CA10: variants seen among roughly 807,000 people sequenced by gnomAD.
CA10 encodes the protein carbonic anhydrase 10 (inactive).
Under a neutral mutation model 44.2 loss-of-function variants are expected in CA10, and 14 were observed. The ratio of observed to expected loss-of-function variants is 0.32; its 90% CI spans 0.21 to 0.50. The LOEUF (loss-of-function observed/expected upper bound fraction) is 0.50. Ranked by LOEUF, CA10 falls within the 20% of genes least tolerant of loss-of-function variation. The probability of loss-of-function intolerance (pLI) is 0.99; values close to 1 mark genes in which losing one functional copy is unlikely to be tolerated. For synonymous variants in CA10, 159 were observed against 141.6 expected, an observed-to-expected ratio of 1.12 and a Z score of -0.87; for missense variants, 350 against 409.7, an observed-to-expected ratio of 0.85 and a Z score of 1.26.
chr17:51,896,203 AG>A (rs1981061670), intron 3 of CA10, among the ~76,000 whole-genome samples: 2 of 152,074 alleles, frequency 1.3e-5, no homozygotes, highest in Non-Finnish European at 2.9e-5. Context: ...TAATAAGCAT[AG>A]TACCCGGCAG....
chr17:51,680,249 G>A (rs192921796), intron 4 of CA10, among the ~76,000 whole-genome samples: 12 of 152,302 alleles, frequency 7.9e-5, no homozygotes, highest in South Asian at 4.1e-4. Flanking sequence ...AGTGGCAGCC[G>A]TTGGGGAGGA....
chr17:51,723,395 C>T (rs2037480190), intron 4 of CA10, among the ~76,000 whole-genome samples: 2 of 152,078 alleles, frequency 1.3e-5, no homozygotes, highest in Admixed American at 1.3e-4. Context: ...GGATGGATTC[C>T]GTATGAGAAA....
intron 1 of CA10, among the ~76,000 whole-genome samples, chr17:52,137,590 T>TA (rs1359260848): frequency 6.6e-6 from 1 of 152,204 alleles, no homozygotes. Context: ...CTTTGAGTCT[T>TA]ACTCTCTTAT....
chr17:51,894,753 G>A (rs1981000069), intron 3 of CA10, among the ~76,000 whole-genome samples: 1 of 152,090 alleles, frequency 6.6e-6, no homozygotes, highest in South Asian at 2.1e-4. Context: ...CACTAAGTTT[G>A]TGGTACTTTG....
chr17:51,699,901 A>G (rs1416769881), intron 4 of CA10, among the ~76,000 whole-genome samples: 1 of 152,160 alleles, frequency 6.6e-6, no homozygotes. Context: ...ATTAATTATG[A>G]TCTCTTGCAT....
chr17:51,970,512 A>C (rs541948699), intron 2 of CA10, among the ~76,000 whole-genome samples: 1 of 151,752 alleles, frequency 6.6e-6, no homozygotes, highest in African/African-American at 2.4e-5. Flanking sequence ...AGGAAAAGCG[A>C]TTCTGTTATT....
intron 2 of CA10, among the ~76,000 whole-genome samples, chr17:51,999,412 G>A (rs1350225190): frequency 6.6e-6 from 1 of 152,044 alleles, no homozygotes; most frequent in Admixed American, 6.6e-5. Context: ...GTTAGTGTGG[G>A]CCACAAGAGA....
rs1907269395 is a variant in CA10 at position 51,809,412 on chromosome 17, T to C, written c.280-61594A>G. Among the ~76,000 whole-genome samples the C allele has an allele frequency of 2.0e-5, 3 of 152,192 alleles. No homozygotes were observed. The South Asian group carries it at 6.2e-4, about 32-fold the overall frequency. On this transcript the variant is annotated intron_variant, in intron 3 of 8. Coordinates refer to ENST00000451037, the MANE Select transcript of CA10 (RefSeq NM_020178.5). ...CCTAAGAAAAGTATAGCCCTTTATC[T>C]CAAGGAAGCTTGCCCACAGAAGAGA... is the stretch of plus-strand genomic sequence containing the variant.
chr17:51,849,883 C>T (rs770089510), intron 3 of CA10, among the ~76,000 whole-genome samples: 9 of 152,086 alleles, frequency 5.9e-5, no homozygotes, highest in Admixed American at 2.6e-4. Context: ...ACCCCATAAG[C>T]AAGTTGAATA....
intron 5 of CA10, among the ~76,000 whole-genome samples, chr17:51,649,748 G>A (rs1384414150): frequency 2.0e-5 from 3 of 152,132 alleles, no homozygotes; most frequent in African/African-American, 7.2e-5. Context: ...AGTGAGCCTA[G>A]AAAGATTGGC....
intron 2 of CA10, among the ~76,000 whole-genome samples, chr17:51,947,528 A>AATAT (rs1480687239): frequency 1.3e-5 from 2 of 152,200 alleles, no homozygotes; most frequent in Admixed American, 1.3e-4. Context: ...ACAGATGTTT[A>AATAT]GCTTCACTTT....
intron 2 of CA10, among the ~76,000 whole-genome samples, chr17:52,056,913 C>G (rs1343449988): frequency 6.6e-6 from 1 of 152,014 alleles, no homozygotes; most frequent in East Asian, 1.9e-4. Flanking sequence ...TGTTTACAAT[C>G]ATAGTGCTAT....
intron 2 of CA10, among the ~76,000 whole-genome samples, chr17:52,020,914 C>A (rs1209471376): frequency 2.6e-5 from 4 of 151,878 alleles, no homozygotes; most frequent in Non-Finnish European, 5.9e-5. Context: ...TGGGTTTCTG[C>A]TTTTGTGTTA....
At chr17:51,758,741 A>G (rs1905140741) in intron 3 of CA10, among the ~76,000 whole-genome samples, 1 of 152,222 alleles carries the variant, frequency 6.6e-6, no homozygotes, top group Admixed American at 6.5e-5. Flanking sequence ...TATTTTAATA[A>G]TTTAGTATTA....
At chr17:51,921,096 T>A (rs553042108) in intron 3 of CA10, among the ~76,000 whole-genome samples, 15 of 152,292 alleles carry the variant, frequency 9.8e-5, no homozygotes, top group South Asian at 2.1e-4. Flanking sequence ...TTTAGGAGGA[T>A]TTACATCCTA....
chr17:52,037,153 C>A (rs550159358), intron 2 of CA10, among the ~76,000 whole-genome samples: 10 of 152,216 alleles, frequency 6.6e-5, no homozygotes, highest in African/African-American at 2.4e-4. Context: ...ATGTCTGGAA[C>A]TCAAAAGAAA....
intron 3 of CA10, among the ~76,000 whole-genome samples, chr17:51,785,260 A>G (rs1906223794): frequency 6.6e-6 from 1 of 151,456 alleles, no homozygotes; most frequent in Non-Finnish European, 1.5e-5. Context: ...TCTCTTCGAT[A>G]TACTGATTTC....
chr17:51,801,479 G>A (rs769453029), intron 3 of CA10, among the ~76,000 whole-genome samples: 2 of 151,306 alleles, frequency 1.3e-5, no homozygotes, highest in Non-Finnish European at 2.9e-5. Context: ...TTTCACACTA[G>A]AGGAAAAAAA....
In CA10 at chr17:51,799,455, G is replaced by A. The variant is rs965063680; in HGVS notation, c.280-51637C>T. Among the ~76,000 whole-genome samples the A allele has an allele frequency of 5.3e-5, 8 of 152,040 alleles. 1 individual carries two copies. Among genetic ancestry groups the A allele is most frequent in the Admixed American group, 5.2e-4 (8 of 15,262 alleles). On this transcript the variant is annotated intron_variant, in intron 3 of 8. Coordinates refer to ENST00000451037, the MANE Select transcript of CA10 (RefSeq NM_020178.5). ...GGCTGATCTAGCATGGTCTTTGTTG[G>A]GATGATGGGGCAACTTGGCTCTCCA...
Sources: gnomAD v4.1 joint callset for allele counts (sites outside exome capture counted in the v4.1 genomes callset) on GRCh38, gnomAD v4.1.1 for gene constraint, MANE v1.5 for transcripts, NCBI Gene and HGNC (gene_info 2026-07-23, HGNC 2026-07-21) for gene names.